Variants in ANO10 observed in about 807,000 individuals in gnomAD.
ANO10 encodes the protein anoctamin 10.
Under a neutral mutation model 74.7 loss-of-function variants are expected in ANO10, and 77 were observed. That is an observed-to-expected ratio of 1.03 (90% CI 0.86 to 1.25). The LOEUF (loss-of-function observed/expected upper bound fraction) is 1.25, where lower values mean the gene tolerates loss of function less well. Ranked by LOEUF, ANO10 falls within the 50% of genes most tolerant of loss-of-function variation. ANO10 has a pLI of 0.00. For missense variants in ANO10, 721 were observed against 778.1 expected (o/e 0.93, Z 0.87); for synonymous variants, 279 against 284.9 (o/e 0.98, Z 0.21).
chr3:43,643,691 T>TC, intron 1 of ANO10, among the ~76,000 whole-genome samples: 1 of 148,344 alleles, frequency 6.7e-6, no homozygotes, highest in East Asian at 2.0e-4. Flanking sequence ...TTCTTTTTTT[T>TC]TTTTTTTTTT....
At chr3:43,388,544 T>C (rs2092191256) in intron 12 of ANO10, among the ~76,000 whole-genome samples, 1 of 152,184 alleles carries the variant, frequency 6.6e-6, no homozygotes, top group African/African-American at 2.4e-5. Flanking sequence ...TTACTCTCTA[T>C]GCAATATCAT....
chr3:43,470,771 C>T (rs1008329219), intron 11 of ANO10, among the ~76,000 whole-genome samples: 5 of 151,942 alleles, frequency 3.3e-5, no homozygotes, highest in East Asian at 3.9e-4. Flanking sequence ...AGAGTACAGC[C>T]GCATCTCACC....
intron 1 of ANO10, among the ~76,000 whole-genome samples, chr3:43,653,358 G>A (rs62253032): frequency 0.46 from 70,219 of 152,016 alleles, 18,561 homozygotes; most frequent in East Asian, 0.75. Flanking sequence ...AATGCCAATT[G>A]AAGCACCATG....
At chr3:43,537,816 T>C (rs1487255679) in intron 11 of ANO10, among the ~76,000 whole-genome samples, 2 of 152,160 alleles carry the variant, frequency 1.3e-5, no homozygotes, top group Non-Finnish European at 2.9e-5. Context: ...GAGGAAATTA[T>C]AGTAGTAGTA....
chr3:43,495,342 G>A (rs1459992313), intron 11 of ANO10, among the ~76,000 whole-genome samples: 1 of 151,512 alleles, frequency 6.6e-6, no homozygotes, highest in Non-Finnish European at 1.5e-5. Flanking sequence ...TCTTAAGCAA[G>A]ACAAGACACC....
At chr3:43,575,794 C>T (rs950984079) in intron 6 of ANO10, among the ~76,000 whole-genome samples, 6 of 152,206 alleles carry the variant, frequency 3.9e-5, no homozygotes, top group East Asian at 1.9e-4. Context: ...TGTGCCACCA[C>T]GCCCAGCTAA....
chr3:43,635,375 T>C (rs1357147413), intron 1 of ANO10, among the ~76,000 whole-genome samples: 1 of 152,216 alleles, frequency 6.6e-6, no homozygotes, highest in African/African-American at 2.4e-5. Flanking sequence ...CGTTCATGTA[T>C]CCTAGACTTA....
chr3:43,530,691 GTATAT>G (rs1196992961), intron 11 of ANO10, among the ~76,000 whole-genome samples: 1 of 151,980 alleles, frequency 6.6e-6, no homozygotes, highest in Non-Finnish European at 1.5e-5. Context: ...TTTTATTAAA[GTATAT>G]TATAATGATT....
chr3:43,643,967 AG>A (rs2083700939), intron 1 of ANO10, among the ~76,000 whole-genome samples: 1 of 152,146 alleles, frequency 6.6e-6, no homozygotes, highest in African/African-American at 2.4e-5. Flanking sequence ...TACATGCGTG[AG>A]CCACCGCTGA....
At chr3:43,432,980 C>T (rs567620016) in intron 11 of ANO10, among the ~76,000 whole-genome samples, 119 of 55,026 alleles carry the variant, frequency 2.2e-3, no homozygotes, top group Non-Finnish European at 3.5e-3. Context: ...TTTTTGAGAC[C>T]GAGTTTCATT....
At chr3:43,549,947 C>T (rs943562414) in intron 10 of ANO10, 99 bp from the exon 11 acceptor site, 1 of 1,381,564 alleles carries the variant, frequency 7.2e-7, no homozygotes, top group East Asian at 2.3e-5. Flanking sequence ...AATGTCTTAC[C>T]CTAGTTCTAA....
intron 11 of ANO10, among the ~76,000 whole-genome samples, chr3:43,486,741 G>A (rs1228275192): frequency 1.4e-4 from 21 of 151,886 alleles, no homozygotes; most frequent in East Asian, 1.4e-3. Flanking sequence ...CAATCATGTC[G>A]TCTGCAAACA....
intron 12 of ANO10, among the ~76,000 whole-genome samples, chr3:43,387,413 G>C (rs144384655): frequency 6.6e-6 from 1 of 152,280 alleles, no homozygotes; most frequent in Non-Finnish European, 1.5e-5. Context: ...TGGGCGGCAG[G>C]GAGAGCTTGA....
At chr3:43,370,745 A>C (rs546108606) in intron 12 of ANO10, among the ~76,000 whole-genome samples, 17 of 152,372 alleles carry the variant, frequency 1.1e-4, no homozygotes, top group African/African-American at 4.1e-4. Context: ...CATGCTCCAA[A>C]TTATTCTTTA....
chr3:43,666,267 T>G (rs754119948), intron 1 of ANO10, among the ~76,000 whole-genome samples: 5 of 152,092 alleles, frequency 3.3e-5, no homozygotes, highest in Non-Finnish European at 5.9e-5. Context: ...AAAGGCTAAA[T>G]TACAGTGATG....
intron 12 of ANO10, among the ~76,000 whole-genome samples, chr3:43,401,021 AG>A: frequency 6.6e-6 from 1 of 152,290 alleles, no homozygotes; most frequent in Admixed American, 6.5e-5. Context: ...GTTTCCTGGG[AG>A]AAAAGTATAC....
intron 12 of ANO10, among the ~76,000 whole-genome samples, chr3:43,421,288 A>C (rs1575740542): frequency 6.6e-6 from 1 of 152,168 alleles, no homozygotes; most frequent in Non-Finnish European, 1.5e-5. Flanking sequence ...TGGAAGGCCA[A>C]TGTGGGTGAA....
At chr3:43,421,291 T>G (rs969065790) in intron 12 of ANO10, among the ~76,000 whole-genome samples, 2 of 152,182 alleles carry the variant, frequency 1.3e-5, no homozygotes, top group African/African-American at 4.8e-5. Flanking sequence ...AAGGCCAATG[T>G]GGGTGAATTG....
At chr3:43,476,847 GAAGA>G (rs1400217277) in intron 11 of ANO10, among the ~76,000 whole-genome samples, 1 of 151,626 alleles carries the variant, frequency 6.6e-6, no homozygotes, top group Non-Finnish European at 1.5e-5. Flanking sequence ...TATTTTGAAA[GAAGA>G]AAGAAAACAT....
Sources: gnomAD v4.1 joint callset for allele counts (sites outside exome capture counted in the v4.1 genomes callset) on GRCh38, gnomAD v4.1.1 for gene constraint, MANE v1.5 for transcripts, NCBI Gene and HGNC (gene_info 2026-07-23, HGNC 2026-07-21) for gene names.